Variants in DIAPH2 observed in about 807,000 individuals in gnomAD.
The protein encoded by DIAPH2 is diaphanous related formin 2, also known as protein diaphanous homolog 2.
In DIAPH2, 35 loss-of-function variants were observed where a neutral mutation model predicts 92.7. The observed-to-expected ratio is 0.38, with a 90% CI of 0.29 to 0.50. DIAPH2 has a LOEUF of 0.50. Among genes scored for constraint, DIAPH2 ranks in the 20% least tolerant of loss-of-function variants. The pLI is 0.94. For missense variants in DIAPH2, 701 were observed against 819.5 expected (o/e 0.86, Z 1.77); for synonymous variants, 301 against 280.4 (o/e 1.07, Z -0.73).
chrX:97,216,471 A>ATT (rs759156988), intron 22 of DIAPH2, among the ~76,000 whole-genome samples: 5 of 96,992 alleles, frequency 5.2e-5, no homozygotes, highest in African/African-American at 1.5e-4. Flanking sequence ...TGCCTGGCTA[A>ATT]TTTTTTTTTT....
intron 4 of DIAPH2, among the ~76,000 whole-genome samples, chrX:96,879,584 T>C (rs1328793314): frequency 1.8e-5 from 2 of 111,148 alleles, no homozygotes; most frequent in Non-Finnish European, 3.8e-5. Context: ...TAATTTTGAA[T>C]TTGCAAAATT....
At chrX:96,820,199 A>G (rs1007995640) in intron 4 of DIAPH2, among the ~76,000 whole-genome samples, 4 of 112,305 alleles carry the variant, frequency 3.6e-5, no homozygotes, top group African/African-American at 1.3e-4. Flanking sequence ...GCTGAGTGCA[A>G]TGGCTCACAC....
In DIAPH2 at chrX:96,749,115, T is replaced by G. The variant is rs1311234442; in HGVS notation, c.343-9039T>G. 4.6e-5 allele frequency among the ~76,000 whole-genome samples: 4 copies of G among 87,227 alleles called. No homozygotes were observed. In the East Asian group the frequency reaches 1.4e-3, roughly 31 times the overall value. The allele number at this position is 87,227 out of a possible 115,157, so 75.7% of individuals were successfully genotyped here. Reference sequence around the variant, plus strand: ...TCCAAGAGTCTCTAAACCTTTTATTTCCTACCCCATCAGAAAAAAAAAAAA... The same window carrying G: ...TCCAAGAGTCTCTAAACCTTTTATTGCCTACCCCATCAGAAAAAAAAAAAA... On this transcript the variant is annotated intron_variant, in intron 3 of 26. Transcript: ENST00000324765.
intron 22 of DIAPH2, among the ~76,000 whole-genome samples, chrX:97,185,145 A>G (rs1172369611): frequency 2.0e-5 from 2 of 98,363 alleles, no homozygotes; most frequent in Non-Finnish European, 4.0e-5. Flanking sequence ...AAAAAAAAAG[A>G]AAAAATGACC....
chrX:97,211,281 G>A (rs771381514), intron 22 of DIAPH2, among the ~76,000 whole-genome samples: 1 of 110,919 alleles, frequency 9.0e-6, no homozygotes, highest in Non-Finnish European at 1.9e-5. Context: ...CAGGGCATGA[G>A]TAATGTTCTA....
chrX:97,175,969 GT>G (rs1176876173), intron 22 of DIAPH2, among the ~76,000 whole-genome samples: 2 of 112,313 alleles, frequency 1.8e-5, no homozygotes, highest in Non-Finnish European at 3.8e-5. Context: ...AATTGGTAGA[GT>G]TATCCTTCAC....
chrX:96,722,907 G>A (rs955994240), intron 1 of DIAPH2, among the ~76,000 whole-genome samples: 1 of 111,561 alleles, frequency 9.0e-6, no homozygotes, highest in Non-Finnish European at 1.9e-5. Context: ...TTTTAAAACT[G>A]TGTCACCCTT....
chrX:97,277,120 T>C (rs1818289616), intron 23 of DIAPH2, among the ~76,000 whole-genome samples: 1 of 112,283 alleles, frequency 8.9e-6, no homozygotes, highest in East Asian at 2.8e-4. Flanking sequence ...GTGGATCACC[T>C]GAGGTCAGGA....
chrX:96,921,340 C>A (rs924136742), intron 9 of DIAPH2, among the ~76,000 whole-genome samples: 1 of 111,129 alleles, frequency 9.0e-6, no homozygotes, highest in African/African-American at 3.3e-5. Flanking sequence ...TACACTCTCT[C>A]TTCATTGACT....
chrX:96,836,718 T>TATATATATATATATATATATA (rs58380012), intron 4 of DIAPH2, among the ~76,000 whole-genome samples: 1 of 15,357 alleles, frequency 6.5e-5, no homozygotes, highest in African/African-American at 3.0e-4. Context: ...TATATATATA[T>TATATATATATATATATATATA]TTTTTTTTTT....
At position 96,815,409 on chromosome X, in the gene DIAPH2, C is replaced by T. The variant is rs752176492; in HGVS notation, c.447+57151C>T. ...AGCACAGTATTTGGGCCAGAGTGTC[C>T]CGTTTTTTTAGGTATAGTCTGTCAC... On this transcript the variant is annotated intron_variant, in intron 4 of 26. Coordinates refer to ENST00000324765, the MANE Select transcript of DIAPH2 (RefSeq NM_006729.5). 1.5e-4 allele frequency among the ~76,000 whole-genome samples: 17 copies of T among 111,435 alleles called. 1 individual carries two copies. Among genetic ancestry groups the T allele is most frequent in the Non-Finnish European group, 2.3e-4 (12 of 53,020 alleles).
intron 26 of DIAPH2, among the ~76,000 whole-genome samples, chrX:97,534,043 A>G (rs1440561857): frequency 9.0e-6 from 1 of 111,353 alleles, no homozygotes; most frequent in Non-Finnish European, 1.9e-5. Flanking sequence ...CACAGTCAGT[A>G]TATATGCTCT....
chrX:96,954,718 T>G (rs746762701), intron 15 of DIAPH2, among the ~76,000 whole-genome samples: 1 of 112,518 alleles, frequency 8.9e-6, no homozygotes. Flanking sequence ...AAAGGTGAGA[T>G]AATAATGCCC....
intron 17 of DIAPH2, among the ~76,000 whole-genome samples, chrX:97,067,510 A>G (rs1183714393): frequency 2.7e-5 from 3 of 112,075 alleles, no homozygotes. Flanking sequence ...AAGGAAATAA[A>G]ACATTAAAGT....
At chrX:97,565,577 G>A (rs183102547) in intron 26 of DIAPH2, among the ~76,000 whole-genome samples, 2 of 112,286 alleles carry the variant, frequency 1.8e-5, no homozygotes, top group African/African-American at 6.5e-5. Context: ...AATTTAATTT[G>A]TTTAGTTATA....
intron 26 of DIAPH2, among the ~76,000 whole-genome samples, chrX:97,468,958 A>G (rs1378495395): frequency 1.8e-5 from 2 of 111,898 alleles, no homozygotes; most frequent in African/African-American, 3.2e-5. Context: ...CATCGATAGA[A>G]TGTGAATGTA....
At chrX:97,432,544 T>C (rs1239003434) in intron 26 of DIAPH2, among the ~76,000 whole-genome samples, 1 of 111,443 alleles carries the variant, frequency 9.0e-6, no homozygotes, top group East Asian at 2.8e-4. Flanking sequence ...TGCAGTACAG[T>C]GGCATGATCT....
chrX:97,266,013 G>T (rs956006512), intron 23 of DIAPH2, among the ~76,000 whole-genome samples: 1 of 111,675 alleles, frequency 9.0e-6, no homozygotes, highest in Non-Finnish European at 1.9e-5. Context: ...GTTCCTAGTT[G>T]GGGTTCTTAA....
At chrX:96,693,473 A>G (rs985028991) in intron 1 of DIAPH2, among the ~76,000 whole-genome samples, 1 of 112,222 alleles carries the variant, frequency 8.9e-6, no homozygotes, top group African/African-American at 3.2e-5. Context: ...CAAAGATTCT[A>G]TATGTAGATA....
Sources: gnomAD v4.1 joint callset for allele counts (sites outside exome capture counted in the v4.1 genomes callset) on GRCh38, gnomAD v4.1.1 for gene constraint, MANE v1.5 for transcripts, NCBI Gene and HGNC (gene_info 2026-07-23, HGNC 2026-07-21) for gene names.